TBC1D13: variants seen among roughly 807,000 people sequenced by gnomAD.
TBC1D13 encodes the protein epididymis secretory sperm binding protein.
In TBC1D13, 40 loss-of-function variants were observed where a neutral mutation model predicts 53.6. The ratio of observed to expected loss-of-function variants is 0.75; its 90% CI spans 0.58 to 0.97. The LOEUF is 0.97. TBC1D13 is among the 50% of genes least tolerant of loss of function. The pLI is 0.00. For synonymous variants in TBC1D13, 182 were observed against 197.7 expected, an observed-to-expected ratio of 0.92 and a Z score of 0.67; for missense variants, 377 against 499.4, an observed-to-expected ratio of 0.75 and a Z score of 2.34.
At chr9:128,790,827 C>G in intron 3 of TBC1D13, 52 bp downstream of exon 3, 8 of 1,533,112 alleles carry the variant, frequency 5.2e-6, no homozygotes, top group Non-Finnish European at 6.1e-6. Context: ...CCTGGGTTTT[C>G]CTGCATGGGC....
Position 128,807,831 on chromosome 9 carries a change from T to A in TBC1D13, c.1155T>A (p.Asp385Glu). ...MRLLQDYPIT[D>E]VCQILQKAKE... The stretch of plus-strand genomic sequence containing the variant: ...GTGCCCAGGACTACCCCATCACAGA[T>A]GTCTGCCAGATCCTGCAGAAAGCCA... Residue 385 changes from aspartate (D) to glutamate (E), a missense_variant, in exon 12 of 12, where the codon GAT (aspartate) becomes GAA (glutamate). Coordinates refer to ENST00000372648, the MANE Select transcript of TBC1D13 (RefSeq NM_018201.5). 6.2e-7 allele frequency: 1 copy of A among 1,614,182 alleles called. No homozygotes were observed. The highest frequency in any genetic ancestry group is 8.5e-7 in the Non-Finnish European group (1 of 1,180,020).
chr9:128,790,816 C>T, intron 3 of TBC1D13, 41 bp downstream of exon 3: 1 of 1,552,012 alleles, frequency 6.4e-7, no homozygotes, highest in Non-Finnish European at 8.6e-7. Context: ...TGCTGAGAGT[C>T]CCTGGGTTTT....
chr9:128,807,833 T>G lies in TBC1D13; in HGVS notation c.1157T>G (p.Val386Gly). 6.2e-7 allele frequency: 1 copy of G among 1,614,196 alleles called. No homozygotes were observed. Among genetic ancestry groups the G allele is most frequent in the East Asian group, 2.2e-5 (1 of 44,880 alleles). The change falls in exon 12 of 12, where the codon GTC becomes GGC. Residue 386 changes from valine to glycine, a missense_variant. Coordinates refer to ENST00000372648, the MANE Select transcript of TBC1D13 (RefSeq NM_018201.5). ...GCCCAGGACTACCCCATCACAGATG[T>G]CTGCCAGATCCTGCAGAAAGCCAAG... ...RLLQDYPITDVCQILQKAKEL... is the reference protein window; with the variant it reads ...RLLQDYPITDGCQILQKAKEL...
At chr9:128,803,172 C>G (rs1367029103) in intron 7 of TBC1D13, 78 bp from the exon 8 acceptor site, 10 of 1,388,714 alleles carry the variant, frequency 7.2e-6, no homozygotes, top group Non-Finnish European at 1.0e-5. Flanking sequence ...CTCAGCCTCC[C>G]AAAGTGCTGG....
At chr9:128,794,313 G>A (rs891098130) in intron 6 of TBC1D13, among the ~76,000 whole-genome samples, 1 of 152,232 alleles carries the variant, frequency 6.6e-6, no homozygotes, top group Non-Finnish European at 1.5e-5. Context: ...GGGCAACTCA[G>A]CCAGGCTGCA....
chr9:128,792,374 C>A, intron 5 of TBC1D13, 118 bp from the exon 6 acceptor site: 1 of 809,652 alleles, frequency 1.2e-6, no homozygotes, highest in Non-Finnish European at 2.0e-6. Flanking sequence ...GTGTCAGGAC[C>A]ACACCTCAGT....
rs1388253107 is a variant in TBC1D13 at position 128,806,025 on chromosome 9, T to A, written c.1079+6T>A. ...GTCTGCTGCGCCATGCTCATGTGAG[T>A]GCGGGCATGAGCTGTCATCAGCTCA... On this transcript the variant is annotated splice_donor_region_variant and intron_variant, in intron 10 of 11. Transcript: ENST00000372648. 5.6e-6 allele frequency: 9 copies of A among 1,613,304 alleles called. No homozygotes were observed. Among genetic ancestry groups the A allele is most frequent in the African/African-American group, 1.3e-5 (1 of 74,916 alleles).
At chr9:128,806,157 G>A (rs906771723) in intron 10 of TBC1D13, 97 bp from the exon 11 acceptor site, 24 of 1,601,558 alleles carry the variant, frequency 1.5e-5, no homozygotes, top group East Asian at 4.5e-5. Flanking sequence ...TTGGGAGGGC[G>A]ACAAACCAAA....
At chr9:128,788,697 A>G (rs554937076) in intron 2 of TBC1D13, among the ~76,000 whole-genome samples, 22 of 132,366 alleles carry the variant, frequency 1.7e-4, no homozygotes, top group Non-Finnish European at 2.7e-4. Flanking sequence ...GTAACAGGAC[A>G]GGACTGAAGC....
In TBC1D13 at chr9:128,787,273, G is replaced by T; in HGVS notation, c.-81G>T. 2 of 1,236,266 alleles carry T rather than the reference G, an allele frequency of 1.6e-6. No individual in the cohort carries two copies. Among genetic ancestry groups the T allele is most frequent in the East Asian group, 6.3e-5 (2 of 31,782 alleles). 76.6% of individuals were successfully genotyped at this position (1,236,266 alleles called of 1,614,324 possible). On this transcript the variant is annotated 5_prime_UTR_variant, in exon 1 of 12. Coordinates refer to ENST00000372648, the MANE Select transcript of TBC1D13 (RefSeq NM_018201.5). ...CTTTTGCGCAGAGCCCCGCGTCCCT[G>T]GGGGGCGGCGGCGGCGGCGGCAGCG...
chr9:128,799,084 G>A (rs1463061902), intron 7 of TBC1D13, among the ~76,000 whole-genome samples: 2 of 152,172 alleles, frequency 1.3e-5, no homozygotes, highest in Non-Finnish European at 2.9e-5. Context: ...AGGTGCCTAC[G>A]AGAGTTGGGT....
At chr9:128,791,968 C>G (rs1199628667) in intron 5 of TBC1D13, among the ~76,000 whole-genome samples, 1 of 152,198 alleles carries the variant, frequency 6.6e-6, no homozygotes, top group Non-Finnish European at 1.5e-5. Flanking sequence ...ATCCCTGTTC[C>G]TTGAAGAAAG....
chr9:128,789,807 A>G (rs112221683), intron 2 of TBC1D13: 8 of 7,104 alleles, frequency 1.1e-3, no homozygotes, highest in Non-Finnish European at 3.1e-3. Flanking sequence ...ATATATATAT[A>G]TATATAATAA....
rs1316815847 is a variant in TBC1D13 at position 128,797,091 on chromosome 9, CACTG to C, written c.424_427del (p.Asp142ThrfsTer25). On this transcript the variant is annotated frameshift_variant, in exon 7 of 12. Transcript: ENST00000372648. LOFTEE classifies it high-confidence loss of function. The stretch of plus-strand genomic sequence containing the variant: ...CAGACATTTCCTTCTTCCAGAGGGC[CACTG>C]ACTACCCTTGCCTCCTCATCCTGGA... 6.2e-7 allele frequency: 1 copy of C among 1,613,890 alleles called. No homozygotes were observed. Among genetic ancestry groups the C allele is most frequent in the Non-Finnish European group, 8.5e-7 (1 of 1,180,002 alleles).
intron 6 of TBC1D13, among the ~76,000 whole-genome samples, chr9:128,795,115 G>A (rs1829603912): frequency 6.6e-6 from 1 of 150,896 alleles, no homozygotes; most frequent in Non-Finnish European, 1.5e-5. Flanking sequence ...GAGTACAGTG[G>A]CTTGATCTTA....
Position 128,810,079 on chromosome 9 carries a change from C to T in TBC1D13, c.*2200C>T, listed in dbSNP as rs3814491. The T allele has an allele frequency of 1.3e-5, 2 of 152,274 alleles. No individual in the cohort carries two copies. The highest frequency in any genetic ancestry group is 4.8e-5 in the African/African-American group (2 of 41,438). The allele number at this position is 152,274 out of a possible 1,614,324, so 9.4% of individuals were successfully genotyped here. ...TCGCTGGCAGAGTTGGGTCAAGTGC[C>T]CTCTCCTTGACCTTGAGATGAAGGT... On this transcript the variant is annotated 3_prime_UTR_variant, in exon 12 of 12. Transcript: ENST00000372648.
Position 128,790,775 on chromosome 9 carries a change from G to C in TBC1D13, c.138G>C (p.Lys46Asn). 1 of 1,559,368 alleles carries C rather than the reference G, an allele frequency of 6.4e-7. No homozygotes were observed. The highest frequency in any genetic ancestry group is 1.2e-5 in the South Asian group (1 of 83,452). Residue 46 changes from lysine to asparagine, a missense_variant and splice_region_variant, in exon 3 of 12, where the codon AAG becomes AAC. Coordinates refer to ENST00000372648, the MANE Select transcript of TBC1D13 (RefSeq NM_018201.5). ...GCGGACTGCGGTGCCTCTGCTGGAAGGTGGGTGTGCCTGGGGTGGGGCTTC... is the reference window on the plus strand; with the variant it reads ...GCGGACTGCGGTGCCTCTGCTGGAACGTGGGTGTGCCTGGGGTGGGGCTTC... ...CEGGLRCLCW[K>N]ILLNYLPLER...
intron 3 of TBC1D13, 73 bp from the exon 4 acceptor site, chr9:128,791,307 C>T: frequency 2.9e-6 from 4 of 1,396,596 alleles, no homozygotes; most frequent in South Asian, 1.2e-5. Context: ...TTCTTGAGGC[C>T]TGTCATCCCC....
intron 11 of TBC1D13, among the ~76,000 whole-genome samples, chr9:128,807,611 G>A (rs186241632): frequency 5.1e-4 from 78 of 152,310 alleles, no homozygotes; most frequent in African/African-American, 1.6e-3. Flanking sequence ...GGTTGTGTTT[G>A]GATCGTTGAG....
Sources: allele counts gnomAD v4.1 joint callset (sites outside exome capture counted in the v4.1 genomes callset), GRCh38; gene constraint gnomAD v4.1.1; transcripts MANE v1.5; gene names NCBI Gene and HGNC (gene_info 2026-07-23, HGNC 2026-07-21).